The following GMCL1 variants were observed in gnomAD, a reference collection of about 807,000 sequenced individuals.
The protein encoded by GMCL1 is germ cell-less protein-like 1.
Under a neutral mutation model 75.5 loss-of-function variants are expected in GMCL1, and 54 were observed. That is an observed-to-expected ratio of 0.71 (90% CI 0.57 to 0.90). The LOEUF is 0.90. Among genes scored for constraint, GMCL1 ranks in the 40% least tolerant of loss-of-function variants. The pLI is 0.00. For synonymous variants in GMCL1, 210 were observed against 209.6 expected (o/e 1.00, Z -0.02); for missense variants, 537 against 622.7 (o/e 0.86, Z 1.47).
At chr2:69,840,865 A>G (rs944500887) in intron 3 of GMCL1, 77 bp from the exon 4 acceptor site, 4 of 904,078 alleles carry the variant, frequency 4.4e-6, no homozygotes, top group Non-Finnish European at 6.9e-6. Context: ...GTGTGAAGAC[A>G]GTCGTTGTTG....
chr2:69,866,920 A>G (rs1237995585), intron 11 of GMCL1, among the ~76,000 whole-genome samples: 1 of 151,176 alleles, frequency 6.6e-6, no homozygotes, highest in Non-Finnish European at 1.5e-5. Flanking sequence ...GCCATAATTC[A>G]CTGAGTTCAC....
chr2:69,844,489 T>C (rs1675076341), intron 6 of GMCL1: 1 of 190,374 alleles, frequency 5.3e-6, no homozygotes, highest in Non-Finnish European at 1.1e-5. Flanking sequence ...TTAAAAGTTA[T>C]ATTTTAAAAA....
rs1443067002 is a variant in GMCL1, at chr2:69,861,315, T to C, written c.1110T>C (p.Ala370=). The change falls in exon 10 of 14, where the codon GCT becomes GCC. Residue 370 remains alanine (A), a synonymous_variant. Transcript: ENST00000282570. Reference sequence around the variant, plus strand: ...CTGTGTATAAACAGCAGTGGTTTGCTATGCTGCGGGCAGAACAGGACAGTG... The same window carrying C: ...CTGTGTATAAACAGCAGTGGTTTGCCATGCTGCGGGCAGAACAGGACAGTG... The part of the protein sequence containing the change: ...LSSVYKQQWF[A]MLRAEQDSEV... The C allele has an allele frequency of 1.2e-6, 2 of 1,610,838 alleles. No homozygotes were observed. Among genetic ancestry groups the C allele is most frequent in the South Asian group, 2.2e-5 (2 of 90,838 alleles).
At chr2:69,846,851 A>G (rs973992412) in intron 6 of GMCL1, among the ~76,000 whole-genome samples, 3 of 151,770 alleles carry the variant, frequency 2.0e-5, no homozygotes, top group African/African-American at 7.3e-5. Context: ...TTTTGGAGAC[A>G]GTGTCTTGCT....
intron 13 of GMCL1, 56 bp from the exon 14 acceptor site, chr2:69,878,852 TG>T: frequency 1.7e-6 from 2 of 1,174,790 alleles, no homozygotes; most frequent in African/African-American, 1.5e-5. Context: ...TTCAACAGTT[TG>T]GTTTTTTGTT....
chr2:69,844,256 T>C (rs1381117795), intron 6 of GMCL1, 60 bp downstream of exon 6: 3 of 953,602 alleles, frequency 3.1e-6, no homozygotes, highest in Non-Finnish European at 4.8e-6. Context: ...TATCATTTGT[T>C]AAAGTACATA....
intron 7 of GMCL1, among the ~76,000 whole-genome samples, chr2:69,848,691 CT>C (rs1181647917): frequency 6.6e-6 from 1 of 152,126 alleles, no homozygotes; most frequent in Non-Finnish European, 1.5e-5. Flanking sequence ...ATTAAAACTG[CT>C]TTTTGCCAGT....
intron 10 of GMCL1, among the ~76,000 whole-genome samples, chr2:69,864,148 G>T (rs1290486220): frequency 1.3e-5 from 2 of 151,808 alleles, no homozygotes; most frequent in African/African-American, 4.8e-5. Context: ...TGAGCTCTTG[G>T]ATATCAAGGA....
chr2:69,861,210 A>G (rs1675632714), intron 9 of GMCL1, 68 bp from the exon 10 acceptor site: 10 of 1,136,966 alleles, frequency 8.8e-6, no homozygotes, highest in African/African-American at 3.2e-5. Context: ...TTTGTCAACT[A>G]TGAATGTTTA....
At chr2:69,857,031 A>T (rs998855964) in intron 9 of GMCL1, among the ~76,000 whole-genome samples, 1 of 152,150 alleles carries the variant, frequency 6.6e-6, no homozygotes, top group East Asian at 1.9e-4. Flanking sequence ...TGGATATGCC[A>T]TGAACCTTGT....
Position 69,840,871 on chromosome 2 carries a change from T to C in GMCL1, c.482-71T>C, listed in dbSNP as rs897714766. ...TGTCTTTGTGTGTGAAGACAGTCGT[T>C]GTTGTTATTTGTATAACACTTGTAA... On this transcript the variant is annotated intron_variant, in intron 3 of 13. Transcript: ENST00000282570. 99 of 981,714 alleles carry C rather than the reference T, an allele frequency of 1.0e-4. No homozygotes were observed. The East Asian group carries it at 2.5e-3, about 25-fold the overall frequency. The allele number at this position is 981,714 out of a possible 1,614,324, so 60.8% of individuals were successfully genotyped here. A position where few individuals can be genotyped will look rare whatever the true frequency, so the allele number is the denominator to read the frequency against.
intron 7 of GMCL1, among the ~76,000 whole-genome samples, chr2:69,849,124 C>CT: frequency 6.6e-6 from 1 of 152,270 alleles, no homozygotes; most frequent in East Asian, 1.9e-4. Flanking sequence ...GAAGGATTGG[C>CT]TTACTCCTTA....
chr2:69,853,976 T>G (rs1675393145), intron 8 of GMCL1, among the ~76,000 whole-genome samples: 1 of 151,982 alleles, frequency 6.6e-6, no homozygotes, highest in African/African-American at 2.4e-5. Context: ...TAATTTTTTT[T>G]GTATTTTTAG....
chr2:69,863,518 A>C (rs879940506), intron 10 of GMCL1, among the ~76,000 whole-genome samples: 4 of 152,178 alleles, frequency 2.6e-5, no homozygotes, highest in Non-Finnish European at 5.9e-5. Flanking sequence ...AAACTGTGTC[A>C]CTTCTCTACT....
chr2:69,841,713 A>G (rs1415501261), intron 4 of GMCL1, among the ~76,000 whole-genome samples: 1 of 152,242 alleles, frequency 6.6e-6, no homozygotes, highest in East Asian at 1.9e-4. Flanking sequence ...TGAATGGATA[A>G]AGAAGGGAGT....
rs533081251 is a variant in GMCL1, at chr2:69,875,604, G to A, written c.1453-3305G>A. On this transcript the variant is annotated intron_variant, in intron 13 of 13. Coordinates refer to ENST00000282570, the MANE Select transcript of GMCL1 (RefSeq NM_178439.5). ...GGAATATGGTATTTTCTACATTTAC[G>A]TAGGTCTTCCCTTATGTCTGTCTCT... 2.6e-5 allele frequency among the ~76,000 whole-genome samples: 4 copies of A among 152,002 alleles called. No homozygotes were observed. In the East Asian group the frequency reaches 5.8e-4, roughly 22 times the overall value.
In GMCL1 at chr2:69,830,164, C is replaced by T. The variant is rs1157000466; in HGVS notation, c.260+12C>T. 3.9e-6 allele frequency: 6 copies of T among 1,552,276 alleles called. No homozygotes were observed. In the Admixed American group the frequency reaches 9.8e-5, roughly 25 times the overall value. ...AACACCCCTCGAAGGTACGTGGGGGCACGCACCCGCGCGGACCCGGACCCG... is the reference window on the plus strand; with the variant it reads ...AACACCCCTCGAAGGTACGTGGGGGTACGCACCCGCGCGGACCCGGACCCG... On this transcript the variant is annotated intron_variant, in intron 1 of 13. Coordinates refer to ENST00000282570, the MANE Select transcript of GMCL1 (RefSeq NM_178439.5).
intron 6 of GMCL1, among the ~76,000 whole-genome samples, chr2:69,846,378 A>G (rs940989758): frequency 6.6e-6 from 1 of 152,260 alleles, no homozygotes; most frequent in Non-Finnish European, 1.5e-5. Context: ...CAACTATTGC[A>G]TAACATTTAC....
At chr2:69,865,400 C>G (rs1573367856) in intron 11 of GMCL1, among the ~76,000 whole-genome samples, 1 of 152,302 alleles carries the variant, frequency 6.6e-6, no homozygotes. Flanking sequence ...ATAATCCCAG[C>G]ACTTTGGAAG....
Sources: gnomAD v4.1 joint callset for allele counts (sites outside exome capture counted in the v4.1 genomes callset) on GRCh38, gnomAD v4.1.1 for gene constraint, MANE v1.5 for transcripts, NCBI Gene and HGNC (gene_info 2026-07-23, HGNC 2026-07-21) for gene names.